The following TTC3 variants were observed in gnomAD, a reference collection of about 807,000 sequenced individuals.
The protein encoded by TTC3 is E3 ubiquitin-protein ligase TTC3.
TTC3 carries 180 observed loss-of-function variants against 249.6 expected under a neutral mutation model. That is an observed-to-expected ratio of 0.72 (90% CI 0.64 to 0.82). TTC3 has a LOEUF of 0.82. TTC3 is among the 40% of genes least tolerant of loss of function. The probability of loss-of-function intolerance (pLI) is 0.00; values close to 1 mark genes in which losing one functional copy is unlikely to be tolerated. For missense variants in TTC3, 2,061 were observed against 2,398.4 expected, an observed-to-expected ratio of 0.86 and a Z score of 2.94; for synonymous variants, 717 against 805.0, an observed-to-expected ratio of 0.89 and a Z score of 1.85.
chr21:37,093,956 T>C (rs1454893677), intron 7 of TTC3, 49 bp from the exon 8 acceptor site: 1 of 1,269,426 alleles, frequency 7.9e-7, no homozygotes, highest in Non-Finnish European at 1.1e-6. Flanking sequence ...CAATTTGTTT[T>C]TTTTTAAACA....
intron 28 of TTC3, 200 bp downstream of exon 28, chr21:37,157,106 A>G (rs1365251820): frequency 1.0e-5 from 14 of 1,405,576 alleles, no homozygotes; most frequent in Non-Finnish European, 1.4e-5. Flanking sequence ...AGTTAAAGAG[A>G]TACTCAAATG....
intron 21 of TTC3, among the ~76,000 whole-genome samples, chr21:37,147,063 G>C (rs924230819): frequency 3.3e-5 from 5 of 152,148 alleles, no homozygotes; most frequent in South Asian, 2.1e-4. Context: ...GAAGATAATG[G>C]GAGTGTTAGG....
At chr21:37,154,328 CAGAGA>C (rs1405204270) in intron 27 of TTC3, among the ~76,000 whole-genome samples, 2 of 152,158 alleles carry the variant, frequency 1.3e-5, no homozygotes, top group African/African-American at 4.8e-5. Flanking sequence ...TCTAGGGTTT[CAGAGA>C]AGATACTGGT....
In TTC3 at chr21:37,073,293, A is replaced by C. The variant is rs2070280413; in HGVS notation, c.-83A>C. 1.9e-5 allele frequency: 5 copies of C among 266,192 alleles called. No individual in the cohort carries two copies. The South Asian group carries it at 5.1e-4, about 27-fold the overall frequency. The allele number at this position is 266,192 out of a possible 1,614,324, so 16.5% of individuals were successfully genotyped here. On this transcript the variant is annotated 5_prime_UTR_variant, in exon 1 of 46. Transcript: ENST00000355666. ...GCCGTCGGCTGACGTGGAGGGCCGG[A>C]GGTGGCGGCGGCGGCGGCGGCGGCT...
chr21:37,094,829 G>A (rs987976887), intron 8 of TTC3, among the ~76,000 whole-genome samples: 1 of 152,020 alleles, frequency 6.6e-6, no homozygotes, highest in South Asian at 2.1e-4. Flanking sequence ...TTCAAGACAG[G>A]TTTATTTAAA....
At chr21:37,073,627 C>A in intron 1 of TTC3, 154 bp downstream of exon 1, 1 of 401,620 alleles carries the variant, frequency 2.5e-6, no homozygotes, top group Non-Finnish European at 3.4e-6. Context: ...GCGAGCGAGG[C>A]CCTGGGATGC....
chr21:37,091,476 A>T, intron 7 of TTC3, 63 bp downstream of exon 7: 1 of 1,457,568 alleles, frequency 6.9e-7, no homozygotes, highest in Non-Finnish European at 9.2e-7. Context: ...GGAAAATGAG[A>T]TATGTAGTTA....
intron 40 of TTC3, 82 bp downstream of exon 40, chr21:37,191,506 A>T (rs773539388): frequency 7.5e-5 from 61 of 817,452 alleles, no homozygotes; most frequent in Non-Finnish European, 1.1e-4. Flanking sequence ...TATTGAATCT[A>T]TTTCTTTTTT....
Position 37,121,986 on chromosome 21 carries a change from C to A in TTC3, c.1063+7C>A. On this transcript the variant is annotated splice_region_variant and intron_variant, in intron 12 of 45. Transcript: ENST00000355666. ...CAAATAGAAGACCTACAAGGTATTT[C>A]ACCTAAGATTCTTTTGGTTACAGTC... 1 of 1,598,706 alleles carries A rather than the reference C, an allele frequency of 6.3e-7. No homozygotes were observed. The highest frequency in any genetic ancestry group is 8.5e-7 in the Non-Finnish European group (1 of 1,173,394).
At position 37,078,599 on chromosome 21, in the gene TTC3, A is replaced by G. The variant is rs554782622; in HGVS notation, c.-12+5235A>G. ...CTTAACTTATTTATTGTTAGTAAAT[A>G]TTTTAACTTATTGTTAAATAGAAAT... On this transcript the variant is annotated intron_variant, in intron 1 of 45. Transcript: ENST00000355666. 2.0e-3 allele frequency among the ~76,000 whole-genome samples: 230 copies of G among 117,326 alleles called. 2 individuals are homozygous for G. The highest frequency in any genetic ancestry group is 5.8e-3 in the African/African-American group (205 of 35,352). 77.0% of individuals were successfully genotyped at this position (117,326 alleles called of 152,430 possible).
At chr21:37,192,491 T>TTGTGTGTG (rs60538841) in intron 41 of TTC3, among the ~76,000 whole-genome samples, 5,665 of 140,622 alleles carry the variant, frequency 0.04, 132 homozygotes, top group African/African-American at 0.053. Context: ...TCTTCTATCT[T>TTGTGTGTG]TGTGTGTGTG....
Position 37,135,403 on chromosome 21 carries a change from G to A in TTC3, c.1467G>A (p.Met489Ile), listed in dbSNP as rs1009017515. Residue 489 changes from methionine to isoleucine, a missense_variant, in exon 18 of 46, where the codon ATG (methionine) becomes ATA (isoleucine). By Grantham distance (10) the Met-to-Ile change is conservative (BLOSUM62 1). Transcript: ENST00000355666. ...AGGATTTTGCTAATATAATGAAAAT[G>A]CTGAGAAGCTTAATTCAAGATGGCT... 53 of 1,613,086 alleles carry A rather than the reference G, an allele frequency of 3.3e-5. No individual in the cohort carries two copies. The highest frequency in any genetic ancestry group is 4.2e-5 in the Non-Finnish European group (50 of 1,179,432).
intron 31 of TTC3, 52 bp downstream of exon 31, chr21:37,162,115 T>A (rs1237483770): frequency 8.8e-7 from 1 of 1,138,840 alleles, no homozygotes; most frequent in African/African-American, 1.6e-5. Context: ...TGTCTTTACT[T>A]AATAAGTTGT....
chr21:37,201,691 T>C lies in TTC3; in HGVS notation c.*117T>C, dbSNP rs1312785471. 1.1e-5 allele frequency: 15 copies of C among 1,310,368 alleles called. No homozygotes were observed. In the South Asian group the frequency reaches 2.2e-4, roughly 19 times the overall value. 81.2% of individuals were successfully genotyped at this position (1,310,368 alleles called of 1,614,324 possible). ...CCTTGTGCATTGTGTGTCACAAAGCTAAATACATGGAAATCGTTAATATCG... is the reference window on the plus strand; with the variant it reads ...CCTTGTGCATTGTGTGTCACAAAGCCAAATACATGGAAATCGTTAATATCG... On this transcript the variant is annotated 3_prime_UTR_variant, in exon 46 of 46. Coordinates refer to ENST00000355666, the Ensembl canonical transcript of TTC3.
At chr21:37,100,463 T>C (rs2074367810) in intron 10 of TTC3, among the ~76,000 whole-genome samples, 1 of 152,082 alleles carries the variant, frequency 6.6e-6, no homozygotes, top group Admixed American at 6.5e-5. Context: ...AAGCGTGAAG[T>C]GTGCATGGGG....
intron 41 of TTC3, chr21:37,194,626 T>C (rs1190829693): frequency 6.6e-6 from 1 of 152,162 alleles, no homozygotes; most frequent in African/African-American, 2.4e-5. Flanking sequence ...AAAGATCGTA[T>C]CCTGAGGTTG....
chr21:37,100,405 A>G (rs73407953), intron 10 of TTC3, among the ~76,000 whole-genome samples: 24,090 of 152,164 alleles, frequency 0.16, 2,104 homozygotes, highest in Admixed American at 0.26. Flanking sequence ...AAAATAGTGA[A>G]CAATGATCTT....
chr21:37,118,416 A>T (rs1437781248), intron 11 of TTC3, among the ~76,000 whole-genome samples: 1 of 152,168 alleles, frequency 6.6e-6, no homozygotes, highest in Non-Finnish European at 1.5e-5. Flanking sequence ...ATTTGTCCTG[A>T]AGAGTGAGAA....
chr21:37,113,830 C>G (rs1208124755), intron 11 of TTC3, among the ~76,000 whole-genome samples: 1 of 152,104 alleles, frequency 6.6e-6, no homozygotes, highest in Non-Finnish European at 1.5e-5. Flanking sequence ...TTACTGGTAC[C>G]AAAACAAAGA....
Sources: allele counts gnomAD v4.1 joint callset (sites outside exome capture counted in the v4.1 genomes callset), GRCh38; gene constraint gnomAD v4.1.1; transcripts MANE v1.5; gene names NCBI Gene and HGNC (gene_info 2026-07-23, HGNC 2026-07-21).